The following HS6ST3 variants were observed in gnomAD, a reference collection of about 807,000 sequenced individuals.
HS6ST3 encodes heparan-sulfate 6-O-sulfotransferase 3.
Under a neutral mutation model 36.7 loss-of-function variants are expected in HS6ST3, and 12 were observed. That is an observed-to-expected ratio of 0.33 (90% CI 0.21 to 0.53). The LOEUF is 0.53. HS6ST3 is among the 20% of genes least tolerant of loss of function. The pLI, the probability that HS6ST3 is intolerant of heterozygous loss-of-function variation, is 0.95. For synonymous variants in HS6ST3, 240 were observed against 257.5 expected (o/e 0.93, Z 0.65); for missense variants, 584 against 640.9 (o/e 0.91, Z 0.96).
At chr13:96,353,390 C>T (rs1488802484) in intron 1 of HS6ST3, among the ~76,000 whole-genome samples, 2 of 149,952 alleles carry the variant, frequency 1.3e-5, no homozygotes, top group Admixed American at 6.6e-5. Context: ...TATAGGTGGT[C>T]TTTCACATTA....
chr13:96,617,797 G>A (rs1172616242), intron 1 of HS6ST3, among the ~76,000 whole-genome samples: 1 of 152,140 alleles, frequency 6.6e-6, no homozygotes, highest in Non-Finnish European at 1.5e-5. Flanking sequence ...AACTCTGGAG[G>A]TGGAGCCCAG....
At chr13:96,724,647 G>T (rs1313001143) in intron 1 of HS6ST3, among the ~76,000 whole-genome samples, 2 of 151,448 alleles carry the variant, frequency 1.3e-5, no homozygotes, top group Non-Finnish European at 2.9e-5. Context: ...GGTTTTTTTT[G>T]CTCTAGCTTC....
intron 1 of HS6ST3, among the ~76,000 whole-genome samples, chr13:96,110,653 T>C (rs1639734131): frequency 6.6e-6 from 1 of 152,070 alleles, no homozygotes; most frequent in African/African-American, 2.4e-5. Flanking sequence ...CTCAATCTCC[T>C]GACCTCCTGA....
intron 1 of HS6ST3, among the ~76,000 whole-genome samples, chr13:96,825,754 A>G (rs1164158869): frequency 6.6e-6 from 1 of 152,170 alleles, no homozygotes; most frequent in Non-Finnish European, 1.5e-5. Flanking sequence ...CCTTCCATTC[A>G]TTGACTCATT....
At chr13:96,718,059 C>G (rs1395402002) in intron 1 of HS6ST3, among the ~76,000 whole-genome samples, 3 of 152,140 alleles carry the variant, frequency 2.0e-5, no homozygotes, top group Non-Finnish European at 4.4e-5. Context: ...TCCCTCTTTC[C>G]CAGCCTTCCA....
At chr13:96,765,098 G>T (rs1429872173) in intron 1 of HS6ST3, among the ~76,000 whole-genome samples, 2 of 119,726 alleles carry the variant, frequency 1.7e-5, no homozygotes, top group South Asian at 2.5e-4. Flanking sequence ...ACGGAGTCTC[G>T]CTCTGTCGCC....
At chr13:96,728,609 T>G (rs113574738) in intron 1 of HS6ST3, among the ~76,000 whole-genome samples, 1,820 of 152,360 alleles carry the variant, frequency 0.012, 31 homozygotes, top group African/African-American at 0.042. Flanking sequence ...AGAATTATAA[T>G]ATCAATGATC....
intron 1 of HS6ST3, among the ~76,000 whole-genome samples, chr13:96,737,433 G>A (rs1043406274): frequency 1.6e-4 from 24 of 151,266 alleles, no homozygotes; most frequent in Non-Finnish European, 2.1e-4. Flanking sequence ...AGACCATCCT[G>A]GCTAACAAGG....
Position 96,104,621 on chromosome 13 carries a change from A to G in HS6ST3, c.707+13052A>G, listed in dbSNP as rs111590211. ...CTACTTGCTTTAGTGGGCTCTTGCA[A>G]TATAGTCCACTATCCCACTGCTTTA... On this transcript the variant is annotated intron_variant, in intron 1 of 1. Coordinates refer to ENST00000376705, the MANE Select transcript of HS6ST3 (RefSeq NM_153456.4). Among the ~76,000 whole-genome samples the G allele has an allele frequency of 2.8e-4, 43 of 152,318 alleles. 2 individuals are homozygous for G. In the Middle Eastern group the frequency reaches 0.037, roughly 133 times the overall value.
At chr13:96,230,289 T>C (rs1394438181) in intron 1 of HS6ST3, among the ~76,000 whole-genome samples, 2 of 151,928 alleles carry the variant, frequency 1.3e-5, no homozygotes, top group African/African-American at 4.8e-5. Flanking sequence ...ATGTGAGAAA[T>C]GATGAAAAGT....
At chr13:96,321,401 A>AT (rs1386951882) in intron 1 of HS6ST3, among the ~76,000 whole-genome samples, 2 of 151,722 alleles carry the variant, frequency 1.3e-5, no homozygotes, top group Admixed American at 6.6e-5. Flanking sequence ...TTTGCAGATG[A>AT]TTTTTTTTCC....
intron 1 of HS6ST3, among the ~76,000 whole-genome samples, chr13:96,401,797 C>T (rs1013279020): frequency 6.6e-6 from 1 of 152,162 alleles, no homozygotes; most frequent in African/African-American, 2.4e-5. Context: ...TGGTCTCGAA[C>T]TCCTGATGTC....
chr13:96,125,129 G>A (rs1181310074), intron 1 of HS6ST3, among the ~76,000 whole-genome samples: 1 of 152,140 alleles, frequency 6.6e-6, no homozygotes, highest in Non-Finnish European at 1.5e-5. Flanking sequence ...TGTACATACT[G>A]CAAGGGTATC....
intron 1 of HS6ST3, among the ~76,000 whole-genome samples, chr13:96,738,431 T>A (rs1249798378): frequency 6.6e-6 from 1 of 151,652 alleles, no homozygotes; most frequent in East Asian, 1.9e-4. Flanking sequence ...TCGATGATGC[T>A]GTTCTGTTTG....
At chr13:96,782,490 G>T (rs1877550012) in intron 1 of HS6ST3, among the ~76,000 whole-genome samples, 1 of 152,126 alleles carries the variant, frequency 6.6e-6, no homozygotes, top group African/African-American at 2.4e-5. Context: ...GAATTTGGGA[G>T]GCTTTATTAA....
chr13:96,528,843 G>GATTAAATGC (rs1400383539), intron 1 of HS6ST3, among the ~76,000 whole-genome samples: 2 of 152,046 alleles, frequency 1.3e-5, no homozygotes, highest in African/African-American at 4.8e-5. Flanking sequence ...TATTAAAATG[G>GATTAAATGC]ATTAAATGCA....
chr13:96,266,035 T>C (rs554656191), intron 1 of HS6ST3, among the ~76,000 whole-genome samples: 50 of 152,256 alleles, frequency 3.3e-4, no homozygotes, highest in African/African-American at 1.1e-3. Context: ...TATGATGCTC[T>C]TGCAGGGTTA....
At chr13:96,529,070 A>G (rs1350146291) in intron 1 of HS6ST3, among the ~76,000 whole-genome samples, 1 of 152,174 alleles carries the variant, frequency 6.6e-6, no homozygotes, top group African/African-American at 2.4e-5. Flanking sequence ...TTTTAATTTC[A>G]AATACAGTAG....
intron 1 of HS6ST3, among the ~76,000 whole-genome samples, chr13:96,451,510 T>C (rs1218572171): frequency 1.3e-5 from 2 of 152,188 alleles, no homozygotes; most frequent in Non-Finnish European, 2.9e-5. Context: ...TAGCGAAATA[T>C]TGAAGTTTGA....
Sources: gnomAD v4.1 joint callset for allele counts (sites outside exome capture counted in the v4.1 genomes callset) on GRCh38, gnomAD v4.1.1 for gene constraint, MANE v1.5 for transcripts, NCBI Gene and HGNC (gene_info 2026-07-23, HGNC 2026-07-21) for gene names.